Variants in ZNF652 observed in about 807,000 individuals in gnomAD.
ZNF652 encodes zinc finger protein 652.
In ZNF652, 16 loss-of-function variants were observed where a neutral mutation model predicts 45.2. The observed-to-expected ratio is 0.35, with a 90% CI of 0.24 to 0.54. The LOEUF (loss-of-function observed/expected upper bound fraction) is 0.54. Among genes scored for constraint, ZNF652 ranks in the 20% least tolerant of loss-of-function variants. The probability of loss-of-function intolerance (pLI) is 0.91; values close to 1 mark genes in which losing one functional copy is unlikely to be tolerated. For synonymous variants in ZNF652, 250 were observed against 260.6 expected (o/e 0.96, Z 0.39); for missense variants, 614 against 765.6 (o/e 0.80, Z 2.34).
intron 1 of ZNF652, among the ~76,000 whole-genome samples, chr17:49,348,499 G>GAAAAGAA (rs2070233428): frequency 1.7e-5 from 2 of 120,164 alleles, no homozygotes; most frequent in African/African-American, 6.0e-5. Flanking sequence ...GAAAAGAAAA[G>GAAAAGAA]AAAAGAAAAG....
intron 1 of ZNF652, among the ~76,000 whole-genome samples, chr17:49,357,551 A>AT (rs1374037755): frequency 6.6e-6 from 1 of 152,240 alleles, no homozygotes; most frequent in African/African-American, 2.4e-5. Context: ...TAAAATGTTC[A>AT]TAAGTATTTT....
intron 1 of ZNF652, among the ~76,000 whole-genome samples, chr17:49,341,529 T>C (rs1227679104): frequency 1.4e-5 from 2 of 142,408 alleles, no homozygotes; most frequent in South Asian, 4.4e-4. Context: ...CCGGGTGTGG[T>C]GGTGCATGCC....
chr17:49,305,353 T>C (rs959196568), intron 5 of ZNF652, among the ~76,000 whole-genome samples: 2 of 152,174 alleles, frequency 1.3e-5, no homozygotes, highest in African/African-American at 4.8e-5. Flanking sequence ...TTTTTTGAGA[T>C]GGAGAATCGC....
At chr17:49,302,948 C>A (rs1331669955) in intron 5 of ZNF652, among the ~76,000 whole-genome samples, 1 of 151,814 alleles carries the variant, frequency 6.6e-6, no homozygotes, top group Non-Finnish European at 1.5e-5. Flanking sequence ...GGTGATAGAG[C>A]AAGACTCCAT....
At chr17:49,330,185 C>T (rs964940497) in intron 1 of ZNF652, among the ~76,000 whole-genome samples, 2 of 152,082 alleles carry the variant, frequency 1.3e-5, no homozygotes, top group African/African-American at 4.8e-5. Context: ...CCCTTAAAAC[C>T]AACCAGAAGA....
chr17:49,334,467 G>C (rs1477181825), intron 1 of ZNF652, among the ~76,000 whole-genome samples: 1 of 151,988 alleles, frequency 6.6e-6, no homozygotes, highest in African/African-American at 2.4e-5. Context: ...CTGGGCAACA[G>C]AGTGAGACCC....
intron 1 of ZNF652, among the ~76,000 whole-genome samples, chr17:49,344,682 G>T (rs2070186235): frequency 6.6e-6 from 1 of 151,870 alleles, no homozygotes; most frequent in South Asian, 2.1e-4. Context: ...CACCATGCCT[G>T]GCTGATGTTT....
intron 1 of ZNF652, among the ~76,000 whole-genome samples, chr17:49,326,885 C>G (rs2069961517): frequency 6.6e-6 from 1 of 152,146 alleles, no homozygotes; most frequent in African/African-American, 2.4e-5. Flanking sequence ...TGCTACGCAT[C>G]ACCTTCTCTT....
rs770493577 is a variant in ZNF652 at position 49,298,375 on chromosome 17, G to A, written c.*38C>T. On this transcript the variant is annotated 3_prime_UTR_variant, in exon 6 of 6. Coordinates refer to ENST00000430262, the MANE Select transcript of ZNF652 (RefSeq NM_001145365.3). Reference sequence around the variant, plus strand: ...TCCCTCTGTGCACGCTCACACATGGGGACGTGTCTCCTGGAGAACACACTA... The same window carrying A: ...TCCCTCTGTGCACGCTCACACATGGAGACGTGTCTCCTGGAGAACACACTA... 2 of 1,610,048 alleles carry A rather than the reference G, an allele frequency of 1.2e-6. No individual in the cohort carries two copies. The highest frequency in any genetic ancestry group is 2.2e-5 in the South Asian group (2 of 90,712).
At chr17:49,349,256 T>C in intron 1 of ZNF652, among the ~76,000 whole-genome samples, 1 of 152,146 alleles carries the variant, frequency 6.6e-6, no homozygotes, top group Non-Finnish European at 1.5e-5. Flanking sequence ...ACTTTGTCTC[T>C]ACTAAAAATA....
rs1040458807 is a variant in ZNF652, at chr17:49,294,637, T to C, written c.*3776A>G. 1 of 151,796 alleles carries C rather than the reference T, an allele frequency of 6.6e-6. No individual in the cohort carries two copies. Among genetic ancestry groups the C allele is most frequent in the Non-Finnish European group, 1.5e-5 (1 of 67,950 alleles). 9.4% of individuals were successfully genotyped at this position (151,796 alleles called of 1,614,324 possible). ...TTACTGATAAATCTATGAGAGAAAA[T>C]AGAAAAATAAAAACGAAACAAATAC... On this transcript the variant is annotated 3_prime_UTR_variant, in exon 6 of 6. Transcript: ENST00000430262.
chr17:49,330,506 C>T (rs2070011496), intron 1 of ZNF652, among the ~76,000 whole-genome samples: 1 of 151,746 alleles, frequency 6.6e-6, no homozygotes, highest in South Asian at 2.1e-4. Context: ...TAGGTGCATG[C>T]CTGGCTAGTT....
chr17:49,292,253 T>C lies in ZNF652; in HGVS notation c.*6160A>G, dbSNP rs535453184. Among the ~76,000 whole-genome samples, 2 of 152,028 alleles carry C rather than the reference T, an allele frequency of 1.3e-5. No homozygotes were observed. The highest frequency in any genetic ancestry group is 2.4e-5 in the African/African-American group (1 of 41,468). On this transcript the variant is annotated 3_prime_UTR_variant, in exon 6 of 6. Coordinates refer to ENST00000430262, the MANE Select transcript of ZNF652 (RefSeq NM_001145365.3). ...TTTTTCTCCAGTTTTGGAGGAGAAC[T>C]GGAAGGGAGTAAAAAGACCTGTCCA...
chr17:49,340,606 T>C (rs549200843), intron 1 of ZNF652, among the ~76,000 whole-genome samples: 5 of 145,100 alleles, frequency 3.4e-5, no homozygotes, highest in African/African-American at 1.3e-4. Flanking sequence ...GAATTAATTA[T>C]AGGTTAGTTC....
chr17:49,343,263 A>G (rs767935097), intron 1 of ZNF652, among the ~76,000 whole-genome samples: 7 of 152,230 alleles, frequency 4.6e-5, no homozygotes, highest in Non-Finnish European at 1.0e-4. Flanking sequence ...CAGTAAAACA[A>G]AAGTCCCAAA....
intron 1 of ZNF652, among the ~76,000 whole-genome samples, chr17:49,339,392 CA>C (rs1212767716): frequency 2.8e-5 from 4 of 140,458 alleles, no homozygotes; most frequent in African/African-American, 1.1e-4. Context: ...AAAGTAATAA[CA>C]AAAAGCAACA....
chr17:49,342,718 T>C (rs558363004), intron 1 of ZNF652, among the ~76,000 whole-genome samples: 6 of 152,196 alleles, frequency 3.9e-5, no homozygotes, highest in African/African-American at 1.4e-4. Context: ...GGCTGAACTA[T>C]AGAACATGTG....
At chr17:49,354,572 C>G (rs1462755191) in intron 1 of ZNF652, among the ~76,000 whole-genome samples, 1 of 149,642 alleles carries the variant, frequency 6.7e-6, no homozygotes, top group Non-Finnish European at 1.5e-5. Context: ...GATCACGCCA[C>G]TGCACCTCAG....
intron 1 of ZNF652, among the ~76,000 whole-genome samples, chr17:49,353,244 T>C (rs2070301295): frequency 6.6e-6 from 1 of 152,176 alleles, no homozygotes; most frequent in Non-Finnish European, 1.5e-5. Flanking sequence ...TGGAGTGGCA[T>C]GATTCTGGCT....
Sources: allele counts gnomAD v4.1 joint callset (sites outside exome capture counted in the v4.1 genomes callset), GRCh38; gene constraint gnomAD v4.1.1; transcripts MANE v1.5; gene names NCBI Gene and HGNC (gene_info 2026-07-23, HGNC 2026-07-21).